KCND3: variants seen among roughly 807,000 people sequenced by gnomAD.
KCND3 encodes A-type voltage-gated potassium channel KCND3.
A neutral mutation model predicts 51.1 loss-of-function variants in KCND3; 9 were observed. The ratio of observed to expected loss-of-function variants is 0.18; its 90% confidence interval spans 0.11 to 0.31. The LOEUF (loss-of-function observed/expected upper bound fraction) is 0.31. Among genes scored for constraint, KCND3 ranks in the 10% least tolerant of loss-of-function variants. The pLI, the probability that KCND3 is intolerant of heterozygous loss-of-function variation, is 1.00. For missense variants in KCND3, 526 were observed against 903.8 expected, an observed-to-expected ratio of 0.58 and a Z score of 5.36; for synonymous variants, 349 against 368.0, an observed-to-expected ratio of 0.95 and a Z score of 0.59.
intron 2 of KCND3, among the ~76,000 whole-genome samples, chr1:111,860,477 G>A (rs1271858949): frequency 1.3e-5 from 2 of 152,192 alleles, no homozygotes; most frequent in Non-Finnish European, 2.9e-5. Flanking sequence ...GGCCCCTGGG[G>A]AAGAGGTGTT....
chr1:111,779,503 G>C (rs1664279497), intron 5 of KCND3, among the ~76,000 whole-genome samples: 1 of 152,128 alleles, frequency 6.6e-6, no homozygotes, highest in Non-Finnish European at 1.5e-5. Flanking sequence ...TTTCTACTCT[G>C]ACCTCTCTTC....
chr1:111,887,305 A>G (rs1287114305), intron 2 of KCND3, among the ~76,000 whole-genome samples: 1 of 152,200 alleles, frequency 6.6e-6, no homozygotes, highest in Non-Finnish European at 1.5e-5. Context: ...CTTGTGAGAA[A>G]ATACAACTCT....
chr1:111,776,990 C>A, intron 7 of KCND3, 36 bp downstream of exon 7: 1 of 1,612,098 alleles, frequency 6.2e-7, no homozygotes, highest in South Asian at 1.1e-5. Context: ...TGGGATGATT[C>A]GAGCCTTTGC....
intron 2 of KCND3, among the ~76,000 whole-genome samples, chr1:111,812,250 G>A (rs1557952279): frequency 6.6e-6 from 1 of 152,226 alleles, no homozygotes; most frequent in African/African-American, 2.4e-5. Flanking sequence ...GGAGGAGCTG[G>A]TTTTCACACC....
At chr1:111,933,635 T>G (rs1300856070) in intron 2 of KCND3, among the ~76,000 whole-genome samples, 1 of 152,000 alleles carries the variant, frequency 6.6e-6, no homozygotes, top group Non-Finnish European at 1.5e-5. Flanking sequence ...AAATCAAGAG[T>G]GGCATGCATG....
chr1:111,793,835 G>GAA (rs11388262), intron 2 of KCND3, among the ~76,000 whole-genome samples: 33 of 151,008 alleles, frequency 2.2e-4, no homozygotes, highest in African/African-American at 8.0e-4. Flanking sequence ...TCATGGCTTA[G>GAA]AAAAAAAAAA....
chr1:111,891,589 C>T (rs72692585), intron 2 of KCND3, among the ~76,000 whole-genome samples: 12,112 of 152,210 alleles, frequency 0.08, 518 homozygotes, highest in East Asian at 0.17. Flanking sequence ...TTGTTAAACA[C>T]TGTTCTCAGC....
chr1:111,781,636 C>T lies in KCND3; in HGVS notation c.1270-845G>A, dbSNP rs545451936. Among the ~76,000 whole-genome samples, 20 of 152,316 alleles carry T rather than the reference C, an allele frequency of 1.3e-4. No individual in the cohort carries two copies. The South Asian group carries it at 3.9e-3, about 30-fold the overall frequency. On this transcript the variant is annotated intron_variant, in intron 3 of 7. Transcript: ENST00000302127. ...CTGGGTTCAAGCAATTCTCCTGCCTCAGCCTCCTGAGTAGCTGGGATTACA... is the reference window on the plus strand; with the variant it reads ...CTGGGTTCAAGCAATTCTCCTGCCTTAGCCTCCTGAGTAGCTGGGATTACA...
intron 2 of KCND3, among the ~76,000 whole-genome samples, chr1:111,838,451 T>C (rs370956177): frequency 1.3e-5 from 2 of 151,514 alleles, no homozygotes; most frequent in Non-Finnish European, 2.9e-5. Flanking sequence ...AGGTCAGGAG[T>C]TCGAGACCAG....
intron 2 of KCND3, among the ~76,000 whole-genome samples, chr1:111,793,556 A>T (rs573717954): frequency 6.6e-6 from 1 of 152,338 alleles, no homozygotes; most frequent in African/African-American, 2.4e-5. Flanking sequence ...TGTTGAATGT[A>T]TGAGTTAATG....
Position 111,775,830 on chromosome 1 carries a change from C to CCCCCCCCCCCCCCCCT in KCND3, c.*246_*247insAGGGGGGGGGGGGGGG. On this transcript the variant is annotated 3_prime_UTR_variant, in exon 8 of 8. Coordinates refer to ENST00000302127, the MANE Select transcript of KCND3 (RefSeq NM_001378969.1). Reference sequence around the variant, plus strand: ...CCGGCCTATCCCCGACCCCCCCACCCTCCCTCCCTTCCTCTGGCCCCAGTG... The same window carrying CCCCCCCCCCCCCCCCT: ...CCGGCCTATCCCCGACCCCCCCACCCCCCCCCCCCCCCCCCTTCCCTCCCTTCCTCTGGCCCCAGTG... The CCCCCCCCCCCCCCCCT allele has an allele frequency of 6.6e-6, 1 of 151,520 alleles. No homozygotes were observed. The highest frequency in any genetic ancestry group is 1.4e-5 in the Non-Finnish European group (1 of 70,306). The allele number at this position is 151,520 out of a possible 1,614,324, so 9.4% of individuals were successfully genotyped here. A position where few individuals can be genotyped will look rare whatever the true frequency, so the allele number is the denominator to read the frequency against.
At chr1:111,847,824 C>T (rs1361263860) in intron 2 of KCND3, among the ~76,000 whole-genome samples, 2 of 152,184 alleles carry the variant, frequency 1.3e-5, no homozygotes, top group Admixed American at 6.5e-5. Context: ...GAACTGCAGG[C>T]AGGATCCCAG....
At chr1:111,793,209 T>C (rs1664914766) in intron 2 of KCND3, among the ~76,000 whole-genome samples, 2 of 148,198 alleles carry the variant, frequency 1.3e-5, no homozygotes, top group South Asian at 4.3e-4. Flanking sequence ...AGAGTCTCGC[T>C]CTGTTTTCCA....
chr1:111,981,015 G>A lies in KCND3; in HGVS notation c.1106+606C>T, dbSNP rs1674919971. Among the ~76,000 whole-genome samples the A allele has an allele frequency of 6.6e-6, 1 of 152,192 alleles. No individual in the cohort carries two copies. Among genetic ancestry groups the A allele is most frequent in the Admixed American group, 6.5e-5 (1 of 15,288 alleles). On this transcript the variant is annotated intron_variant, in intron 2 of 7. Transcript: ENST00000302127. The surrounding 1 kb of genome is among the most constrained non-coding windows in gnomAD (Gnocchi z 6.2). The stretch of plus-strand genomic sequence containing the variant: ...GCTTTAGAAAGAAAGAATAAACCAC[G>A]TGCCTTACTGCGAAAAATCCAGGTT...
At chr1:111,969,889 C>T (rs1269375777) in intron 2 of KCND3, among the ~76,000 whole-genome samples, 1 of 152,184 alleles carries the variant, frequency 6.6e-6, no homozygotes, top group African/African-American at 2.4e-5. Flanking sequence ...GGATGGCTGC[C>T]CCTGTGCACT....
At chr1:111,964,601 A>C (rs1426793442) in intron 2 of KCND3, among the ~76,000 whole-genome samples, 1 of 152,224 alleles carries the variant, frequency 6.6e-6, no homozygotes, top group Non-Finnish European at 1.5e-5. Flanking sequence ...GCACACTTGG[A>C]GCAGGAAAGG....
At chr1:111,788,480 G>A (rs1241980421) in intron 2 of KCND3, among the ~76,000 whole-genome samples, 1 of 152,206 alleles carries the variant, frequency 6.6e-6, no homozygotes, top group African/African-American at 2.4e-5. Context: ...ACATGGCAGA[G>A]GTAGACAGGT....
At chr1:111,798,626 C>A (rs1164618685) in intron 2 of KCND3, among the ~76,000 whole-genome samples, 2 of 151,772 alleles carry the variant, frequency 1.3e-5, no homozygotes, top group African/African-American at 2.4e-5. Flanking sequence ...ACTGGACTGG[C>A]TTCTGGGATG....
intron 2 of KCND3, among the ~76,000 whole-genome samples, chr1:111,871,168 C>T (rs1053801714): frequency 6.6e-6 from 1 of 152,170 alleles, no homozygotes; most frequent in African/African-American, 2.4e-5. Context: ...TGAGACTATA[C>T]TGTGAATGGC....
Sources: allele counts gnomAD v4.1 joint callset (sites outside exome capture counted in the v4.1 genomes callset), GRCh38; gene constraint gnomAD v4.1.1; non-coding constraint Gnocchi (gnomAD v3.1); transcripts MANE v1.5; gene names NCBI Gene and HGNC (gene_info 2026-07-23, HGNC 2026-07-21).